Variants in OR1J2 observed in about 807,000 individuals in gnomAD.
OR1J2 encodes olfactory receptor family 1 subfamily J member 2.
For missense variants in OR1J2, 304 were observed against 246.1 expected (o/e 1.24, Z -1.57); for synonymous variants, 142 against 99.7 (o/e 1.42, Z -2.52).
the OR1J2 span, among the ~76,000 whole-genome samples, chr9:122,551,758 A>G: frequency 6.6e-6 from 1 of 152,102 alleles, no homozygotes; most frequent in Non-Finnish European, 1.5e-5. Context: ...GGTCGACCTT[A>G]ACGAGCACAT....
chr9:122,568,701 G>A, the OR1J2 span: 1 of 444,314 alleles, frequency 2.3e-6, no homozygotes, highest in Non-Finnish European at 3.9e-6. Context: ...TGGAGGGACA[G>A]AGGGAGAGTT....
At chr9:122,548,974 T>G in the OR1J2 span, among the ~76,000 whole-genome samples, 2 of 152,064 alleles carry the variant, frequency 1.3e-5, no homozygotes, top group African/African-American at 4.8e-5. Flanking sequence ...TTGGTTTAAT[T>G]TAGTTCCATT....
chr9:122,552,079 T>TCA, the OR1J2 span, among the ~76,000 whole-genome samples: 5 of 142,102 alleles, frequency 3.5e-5, no homozygotes, highest in Admixed American at 1.4e-4. Flanking sequence ...TCTCTCTCTC[T>TCA]CACACACACA....
downstream of OR1J2, among the ~76,000 whole-genome samples, chr9:122,516,525 G>A (rs952632335): frequency 7.9e-5 from 12 of 151,822 alleles, no homozygotes; most frequent in Non-Finnish European, 1.2e-4. Context: ...GGATGGTCTC[G>A]ATTTCCTGAC....
At chr9:122,478,180 G>GT in the OR1J2 span, among the ~76,000 whole-genome samples, 3 of 152,198 alleles carry the variant, frequency 2.0e-5, no homozygotes, top group South Asian at 2.1e-4. Context: ...TTTGCTAAAT[G>GT]TTTTTTAATA....
downstream of OR1J2, among the ~76,000 whole-genome samples, chr9:122,514,323 T>C (rs780635341): frequency 7.9e-5 from 12 of 152,176 alleles, no homozygotes; most frequent in Non-Finnish European, 1.8e-4. Context: ...CTCCCATCTT[T>C]ATGTCCACGT....
the OR1J2 span, among the ~76,000 whole-genome samples, chr9:122,453,191 G>C: frequency 6.6e-6 from 1 of 152,132 alleles, no homozygotes; most frequent in Non-Finnish European, 1.5e-5. Flanking sequence ...TCATGCTTGT[G>C]CAGTGTGCAG....
chr9:122,462,145 A>G, the OR1J2 span, among the ~76,000 whole-genome samples: 3 of 152,228 alleles, frequency 2.0e-5, no homozygotes, highest in East Asian at 1.9e-4. Flanking sequence ...TTCCTGTTGG[A>G]TTAGTCCTTT....
the OR1J2 span, among the ~76,000 whole-genome samples, chr9:122,498,809 T>C: frequency 6.6e-6 from 1 of 152,214 alleles, no homozygotes; most frequent in Non-Finnish European, 1.5e-5. Context: ...TCCTTTTCTT[T>C]CTTTCCCGTT....
At chr9:122,493,846 C>A in the OR1J2 span, among the ~76,000 whole-genome samples, 1 of 152,104 alleles carries the variant, frequency 6.6e-6, no homozygotes, top group East Asian at 1.9e-4. Flanking sequence ...TATGAACTCT[C>A]CTCTTAGCAC....
chr9:122,498,927 T>G, the OR1J2 span, among the ~76,000 whole-genome samples: 169 of 152,328 alleles, frequency 1.1e-3, no homozygotes, highest in African/African-American at 3.2e-3. Context: ...TCCATGTGCT[T>G]CTTTTGGCAG....
chr9:122,481,469 A>G, the OR1J2 span, among the ~76,000 whole-genome samples: 5 of 152,184 alleles, frequency 3.3e-5, no homozygotes, highest in Non-Finnish European at 7.3e-5. Context: ...ACACATAGAG[A>G]ACTCCTATAA....
upstream of OR1J2, among the ~76,000 whole-genome samples, chr9:122,508,840 A>G (rs10985661): frequency 0.062 from 9,502 of 152,286 alleles, 332 homozygotes; most frequent in South Asian, 0.099. Flanking sequence ...ACAGTTCTGG[A>G]GGTCAGAAGT....
chr9:122,544,625 A>G, the OR1J2 span, among the ~76,000 whole-genome samples: 1,417 of 152,080 alleles, frequency 9.3e-3, 22 homozygotes, highest in African/African-American at 0.033. Context: ...TCTCCATGTT[A>G]GTCAGACTGG....
At chr9:122,464,194 T>C in the OR1J2 span, among the ~76,000 whole-genome samples, 1 of 152,120 alleles carries the variant, frequency 6.6e-6, no homozygotes, top group African/African-American at 2.4e-5. Context: ...GCTTCTGCTG[T>C]GTCACACAGG....
At chr9:122,532,303 G>C in the OR1J2 span, among the ~76,000 whole-genome samples, 1 of 152,168 alleles carries the variant, frequency 6.6e-6, no homozygotes, top group African/African-American at 2.4e-5. Flanking sequence ...GAAATGAGAG[G>C]TTCTAACAGG....
chr9:122,465,281 G>A, the OR1J2 span, among the ~76,000 whole-genome samples: 4 of 152,086 alleles, frequency 2.6e-5, no homozygotes, highest in Non-Finnish European at 4.4e-5. Context: ...ACAAAAATCC[G>A]GTGCCAGGCA....
chr9:122,567,714 C>A, the OR1J2 span: 1 of 1,614,000 alleles, frequency 6.2e-7, no homozygotes, highest in Non-Finnish European at 8.5e-7. Flanking sequence ...ACAGAAGATG[C>A]TTCCATAAAA....
the OR1J2 span, chr9:122,477,066 T>A: frequency 6.2e-7 from 1 of 1,614,076 alleles, no homozygotes; most frequent in Non-Finnish European, 8.5e-7. Context: ...TGTAAATGAA[T>A]GGGTTCAACA....
Sources: allele counts gnomAD v4.1 joint callset (sites outside exome capture counted in the v4.1 genomes callset), GRCh38; gene constraint gnomAD v4.1.1; transcripts MANE v1.5; gene names NCBI Gene and HGNC (gene_info 2026-07-23, HGNC 2026-07-21).